Variants in COL24A1 observed in about 807,000 individuals in gnomAD.
The protein encoded by COL24A1 is collagen alpha-1(XXIV) chain.
COL24A1 carries 224 observed loss-of-function variants against 253.9 expected under a neutral mutation model. The ratio of observed to expected loss-of-function variants is 0.88; its 90% CI spans 0.79 to 0.99. The LOEUF (loss-of-function observed/expected upper bound fraction) is 0.99, where lower values mean the gene tolerates loss of function less well. Among genes scored for constraint, COL24A1 ranks in the 50% least tolerant of loss-of-function variants. COL24A1 has a pLI of 0.00. For synonymous variants in COL24A1, 685 were observed against 673.7 expected (o/e 1.02, Z -0.26); for missense variants, 2,131 against 2,068.5 (o/e 1.03, Z -0.59).
At chr1:85,886,757 C>A (rs1017048620) in intron 32 of COL24A1, among the ~76,000 whole-genome samples, 37 of 152,074 alleles carry the variant, frequency 2.4e-4, no homozygotes, top group African/African-American at 8.9e-4. Context: ...TTCTTAATAA[C>A]AAACTTTTCC....
chr1:85,783,375 T>A, intron 51 of COL24A1, 121 bp downstream of exon 51: 2 of 800,446 alleles, frequency 2.5e-6, no homozygotes, highest in Non-Finnish European at 4.0e-6. Context: ...CCTTATGAGT[T>A]TCTACCTTAA....
chr1:86,132,241 G>A (rs1400133759), intron 2 of COL24A1, among the ~76,000 whole-genome samples: 2 of 152,160 alleles, frequency 1.3e-5, no homozygotes, highest in East Asian at 1.9e-4. Flanking sequence ...ATTTGTTTGA[G>A]TTCATTGTAG....
rs1287409233 is a variant in COL24A1 at position 85,775,711 on chromosome 1, T to G, written c.4339-2A>C. 1 of 1,595,638 alleles carries G rather than the reference T, an allele frequency of 6.3e-7. No homozygotes were observed. Among genetic ancestry groups the G allele is most frequent in the East Asian group, 2.2e-5 (1 of 44,664 alleles). On this transcript the variant is annotated splice_acceptor_variant, in intron 52 of 59. Transcript: ENST00000370571. LOFTEE classifies it high-confidence loss of function. ...AAAGCCCTTTTCACCTCTGGGTCCC[T>G]AAAAGAAAAAAAAAAGATGTTAGTT...
At position 86,103,328 on chromosome 1, in the gene COL24A1, T is replaced by C. The variant is rs184927019; in HGVS notation, c.1599+9239A>G. On this transcript the variant is annotated intron_variant, in intron 5 of 59. Coordinates refer to ENST00000370571, the MANE Select transcript of COL24A1 (RefSeq NM_152890.7). ...CAGCCTAACATTGAGTTTTGGTTCT[T>C]TAGCCTGCCACTCCGTTCCTTTTCA... Among the ~76,000 whole-genome samples, 3 of 152,280 alleles carry C rather than the reference T, an allele frequency of 2.0e-5. No individual in the cohort carries two copies. The East Asian group carries it at 5.8e-4, about 29-fold the overall frequency.
chr1:86,063,787 A>T, intron 7 of COL24A1, 28 bp from the exon 8 acceptor site: 2 of 1,494,286 alleles, frequency 1.3e-6, no homozygotes, highest in Non-Finnish European at 1.8e-6. Flanking sequence ...GAGACATGCT[A>T]TGAAAAGTAA....
intron 2 of COL24A1, among the ~76,000 whole-genome samples, chr1:86,134,009 TA>T (rs1649778489): frequency 6.6e-6 from 1 of 152,126 alleles, no homozygotes; most frequent in Non-Finnish European, 1.5e-5. Flanking sequence ...ACCTATTAAT[TA>T]TTGCCTCAAT....
chr1:86,056,104 TGA>T lies in COL24A1; in HGVS notation c.1851+1825_1851+1826del, dbSNP rs573370946. Among the ~76,000 whole-genome samples the T allele has an allele frequency of 3.0e-4, 37 of 124,998 alleles. No homozygotes were observed. In the East Asian group the frequency reaches 4.7e-3, roughly 16 times the overall value. 82.0% of individuals were successfully genotyped at this position (124,998 alleles called of 152,430 possible). A position where few individuals can be genotyped will look rare whatever the true frequency, so the allele number is the denominator to read the frequency against. On this transcript the variant is annotated intron_variant, in intron 10 of 59. Coordinates refer to ENST00000370571, the MANE Select transcript of COL24A1 (RefSeq NM_152890.7). ...CTGTACTCCAGCCTGGGCCATAGAG[TGA>T]GACTCTGTTTCAAAAAAAAAAAAAA... is the stretch of plus-strand genomic sequence containing the variant.
intron 24 of COL24A1, among the ~76,000 whole-genome samples, chr1:85,941,819 T>C (rs1342553305): frequency 6.6e-6 from 1 of 152,194 alleles, no homozygotes; most frequent in South Asian, 2.1e-4. Flanking sequence ...CTTGATCTTC[T>C]AAACTCATGT....
chr1:85,807,223 A>G (rs1413381287), intron 47 of COL24A1, among the ~76,000 whole-genome samples: 4 of 152,180 alleles, frequency 2.6e-5, no homozygotes, highest in Non-Finnish European at 5.9e-5. Context: ...CTTCCCTCAC[A>G]ATAGAAAGGG....
At chr1:85,799,241 A>AAGAAAGAAAGAAAGAAAGAAAGAG (rs1671163076) in intron 47 of COL24A1, among the ~76,000 whole-genome samples, 2 of 151,014 alleles carry the variant, frequency 1.3e-5, no homozygotes, top group Admixed American at 6.6e-5. Context: ...GAAAGAAAGA[A>AAGAAAGAAAGAAAGAAAGAAAGAG]AGAAAGAAAA....
chr1:85,999,525 A>T (rs1199512704), intron 19 of COL24A1, among the ~76,000 whole-genome samples: 1 of 152,040 alleles, frequency 6.6e-6, no homozygotes, highest in African/African-American at 2.4e-5. Context: ...TGAGACGTTG[A>T]GGTGGGAGGA....
chr1:85,736,798 T>C (rs1182547168), intron 58 of COL24A1, among the ~76,000 whole-genome samples: 2 of 152,200 alleles, frequency 1.3e-5, no homozygotes, highest in East Asian at 1.9e-4. Flanking sequence ...ATATATGTTA[T>C]AGGTACAGCT....
chr1:85,991,138 C>G (rs1464569203), intron 19 of COL24A1, among the ~76,000 whole-genome samples: 1 of 152,168 alleles, frequency 6.6e-6, no homozygotes, highest in Non-Finnish European at 1.5e-5. Flanking sequence ...TTGCCAAAAA[C>G]AAACCTGAAT....
chr1:85,914,493 C>T (rs539436058), intron 24 of COL24A1, among the ~76,000 whole-genome samples: 12 of 151,570 alleles, frequency 7.9e-5, no homozygotes, highest in Admixed American at 3.3e-4. Context: ...TGGCTTCAAG[C>T]GATTCTCCTG....
intron 2 of COL24A1, among the ~76,000 whole-genome samples, chr1:86,143,331 T>G (rs529397423): frequency 6.6e-6 from 1 of 152,282 alleles, no homozygotes; most frequent in African/African-American, 2.4e-5. Flanking sequence ...AGAATCAAAT[T>G]TCTGGAGTAC....
intron 43 of COL24A1, among the ~76,000 whole-genome samples, chr1:85,833,794 G>T (rs925301561): frequency 1.3e-5 from 2 of 152,160 alleles, no homozygotes; most frequent in East Asian, 1.9e-4. Context: ...CCATAAAAAA[G>T]GATGAGTTCA....
chr1:85,940,122 G>GATATATTCAGCCATTTATTTAGTCAA (rs1571301581), intron 24 of COL24A1, among the ~76,000 whole-genome samples: 1 of 88,150 alleles, frequency 1.1e-5, no homozygotes, highest in Non-Finnish European at 2.6e-5. Flanking sequence ...AGTGCCATAA[G>GATATATTCAGCCATTTATTTAGTCAA]GGCCGGGCGC....
At chr1:85,934,003 G>T (rs1688040465) in intron 24 of COL24A1, among the ~76,000 whole-genome samples, 1 of 152,160 alleles carries the variant, frequency 6.6e-6, no homozygotes, top group South Asian at 2.1e-4. Context: ...GGTTAGTTCT[G>T]GCTGAGGATC....
chr1:85,841,415 G>A, intron 41 of COL24A1, 137 bp from the exon 42 acceptor site: 1 of 586,550 alleles, frequency 1.7e-6, no homozygotes, highest in Non-Finnish European at 2.9e-6. Context: ...TTTGATGTAA[G>A]AAACTAAGCC....
Sources: gnomAD v4.1 joint callset for allele counts (sites outside exome capture counted in the v4.1 genomes callset) on GRCh38, gnomAD v4.1.1 for gene constraint, MANE v1.5 for transcripts, NCBI Gene and HGNC (gene_info 2026-07-23, HGNC 2026-07-21) for gene names.